Variants in GPM6A observed in about 807,000 individuals in gnomAD.
GPM6A encodes the protein glycoprotein M6A, also known as neuronal membrane glycoprotein M6-a.
GPM6A carries 7 observed loss-of-function variants against 32.1 expected under a neutral mutation model. That is an observed-to-expected ratio of 0.22 (90% CI 0.12 to 0.41). The LOEUF (loss-of-function observed/expected upper bound fraction) is 0.41, where lower values mean the gene tolerates loss of function less well. Among genes scored for constraint, GPM6A ranks in the 10% least tolerant of loss-of-function variants. The pLI is 1.00. For missense variants in GPM6A, 235 were observed against 347.2 expected, an observed-to-expected ratio of 0.68 and a Z score of 2.57; for synonymous variants, 130 against 123.4, an observed-to-expected ratio of 1.05 and a Z score of -0.35.
At chr4:175,751,959 A>C (rs1197215052) in intron 1 of GPM6A, among the ~76,000 whole-genome samples, 1 of 152,174 alleles carries the variant, frequency 6.6e-6, no homozygotes, top group African/African-American at 2.4e-5. Flanking sequence ...TGTTAAAACA[A>C]AACAAACAAA....
chr4:175,992,230 G>T (rs1298502911), intron 1 of GPM6A, among the ~76,000 whole-genome samples: 1 of 152,010 alleles, frequency 6.6e-6, no homozygotes, highest in Non-Finnish European at 1.5e-5. Context: ...TAATGTGCGT[G>T]TAGCCTAAGG....
chr4:175,686,667 T>C (rs2111023557), intron 2 of GPM6A, among the ~76,000 whole-genome samples: 1 of 152,348 alleles, frequency 6.6e-6, no homozygotes, highest in East Asian at 1.9e-4. Context: ...CGCCTTGACT[T>C]CAGGTGTCTG....
intron 1 of GPM6A, among the ~76,000 whole-genome samples, chr4:175,871,974 G>A (rs959987932): frequency 6.6e-6 from 1 of 152,028 alleles, no homozygotes; most frequent in African/African-American, 2.4e-5. Context: ...GAAAATGTCT[G>A]ACTCATTCCA....
chr4:175,741,814 A>C (rs1476795706), intron 1 of GPM6A, among the ~76,000 whole-genome samples: 2 of 152,118 alleles, frequency 1.3e-5, no homozygotes, highest in Non-Finnish European at 2.9e-5. Context: ...GTTTTTTCAC[A>C]ACTTAATGTT....
intron 1 of GPM6A, among the ~76,000 whole-genome samples, chr4:175,918,508 C>CAA (rs72034279): frequency 2.2e-4 from 33 of 149,706 alleles, no homozygotes; most frequent in African/African-American, 3.7e-4. Context: ...TCCTTAACAA[C>CAA]AAAAAAAAAA....
intron 1 of GPM6A, among the ~76,000 whole-genome samples, chr4:175,984,977 T>A (rs1285775685): frequency 6.6e-6 from 1 of 152,218 alleles, no homozygotes; most frequent in African/African-American, 2.4e-5. Flanking sequence ...TATTTAGTGC[T>A]AAACCACAGT....
chr4:175,705,915 C>T (rs933588505), intron 1 of GPM6A, among the ~76,000 whole-genome samples: 5 of 151,992 alleles, frequency 3.3e-5, no homozygotes, highest in African/African-American at 1.2e-4. Flanking sequence ...CCCATTAATT[C>T]TCAAATAGAA....
At chr4:175,857,891 A>G (rs1736462168) in intron 1 of GPM6A, among the ~76,000 whole-genome samples, 2 of 152,184 alleles carry the variant, frequency 1.3e-5, no homozygotes, top group Non-Finnish European at 2.9e-5. Context: ...GATTAAAAAA[A>G]TAGCAACCTA....
intron 3 of GPM6A, among the ~76,000 whole-genome samples, chr4:175,667,713 T>C (rs1347807103): frequency 6.6e-6 from 1 of 152,184 alleles, no homozygotes; most frequent in East Asian, 1.9e-4. Flanking sequence ...CAAAATAAAA[T>C]GTTTATTTAA....
At chr4:175,978,175 C>T (rs972206974) in intron 1 of GPM6A, among the ~76,000 whole-genome samples, 3 of 152,136 alleles carry the variant, frequency 2.0e-5, no homozygotes, top group African/African-American at 4.8e-5. Context: ...CTCACAGTTC[C>T]ACATGGCTGG....
chr4:175,726,133 C>T (rs1254324253), intron 1 of GPM6A, among the ~76,000 whole-genome samples: 1 of 149,962 alleles, frequency 6.7e-6, no homozygotes, highest in African/African-American at 2.5e-5. Context: ...GCTGGGACTA[C>T]AGGTGCCCAC....
At chr4:175,855,945 G>A (rs552460622) in intron 1 of GPM6A, among the ~76,000 whole-genome samples, 13 of 152,180 alleles carry the variant, frequency 8.5e-5, no homozygotes, top group African/African-American at 2.9e-4. Context: ...AGAGCCTAGC[G>A]CTCGCTCTTG....
intron 1 of GPM6A, among the ~76,000 whole-genome samples, chr4:175,761,545 T>C (rs781200817): frequency 4.6e-5 from 7 of 152,206 alleles, no homozygotes; most frequent in Non-Finnish European, 1.0e-4. Context: ...CCCACAATTG[T>C]ATTTAATCTA....
intron 1 of GPM6A, among the ~76,000 whole-genome samples, chr4:175,797,178 A>C (rs1273928487): frequency 6.6e-6 from 1 of 152,190 alleles, no homozygotes; most frequent in Non-Finnish European, 1.5e-5. Context: ...ATTCAACAGC[A>C]CATGGTAATA....
chr4:175,925,805 T>C (rs1349202403), intron 1 of GPM6A, among the ~76,000 whole-genome samples: 2 of 151,974 alleles, frequency 1.3e-5, no homozygotes, highest in African/African-American at 4.8e-5. Flanking sequence ...CAAATGTGTA[T>C]GTGTATGTAT....
At chr4:175,879,370 A>C (rs1488851357) in intron 1 of GPM6A, among the ~76,000 whole-genome samples, 1 of 152,180 alleles carries the variant, frequency 6.6e-6, no homozygotes, top group Non-Finnish European at 1.5e-5. Context: ...ACAAATGCCC[A>C]AGACTGTGTA....
At chr4:175,729,389 C>A (rs944670402) in intron 1 of GPM6A, among the ~76,000 whole-genome samples, 2 of 152,138 alleles carry the variant, frequency 1.3e-5, no homozygotes, top group Admixed American at 1.3e-4. Context: ...TGCACCTTGA[C>A]CCATTCAGAG....
At chr4:175,770,926 G>C (rs191307488) in intron 1 of GPM6A, among the ~76,000 whole-genome samples, 101 of 152,232 alleles carry the variant, frequency 6.6e-4, no homozygotes, top group Admixed American at 2.8e-3. Context: ...TTATTTACTG[G>C]TATTAATCTG....
chr4:175,888,609 T>C (rs1300583376), intron 1 of GPM6A, among the ~76,000 whole-genome samples: 1 of 152,124 alleles, frequency 6.6e-6, no homozygotes, highest in East Asian at 1.9e-4. Flanking sequence ...ACATATTTAA[T>C]AACTGTGCTT....
Sources: gnomAD v4.1 joint callset for allele counts (sites outside exome capture counted in the v4.1 genomes callset) on GRCh38, gnomAD v4.1.1 for gene constraint, MANE v1.5 for transcripts, NCBI Gene and HGNC (gene_info 2026-07-23, HGNC 2026-07-21) for gene names.